The following ELAVL2 variants were observed in gnomAD, a reference collection of about 807,000 sequenced individuals.
ELAVL2 encodes the protein ELAV like RNA binding protein 2.
In ELAVL2, 4 loss-of-function variants were observed where a neutral mutation model predicts 34.6. That is an observed-to-expected ratio of 0.12 (90% CI 0.06 to 0.26). The LOEUF (loss-of-function observed/expected upper bound fraction) is 0.26, where lower values mean the gene tolerates loss of function less well. Among genes scored for constraint, ELAVL2 ranks in the 10% least tolerant of loss-of-function variants. The pLI, the probability that ELAVL2 is intolerant of heterozygous loss-of-function variation, is 1.00. For missense variants in ELAVL2, 432 were observed against 442.8 expected (o/e 0.98, Z 0.22); for synonymous variants, 193 against 154.8 (o/e 1.25, Z -1.83).
intron 1 of ELAVL2, among the ~76,000 whole-genome samples, chr9:23,816,780 G>A (rs1430064285): frequency 6.6e-6 from 1 of 152,194 alleles, no homozygotes; most frequent in Non-Finnish European, 1.5e-5. Context: ...GTGAAAAATG[G>A]ATACTCTGTG....
chr9:23,729,880 G>C (rs530567320), intron 3 of ELAVL2, among the ~76,000 whole-genome samples: 1 of 152,036 alleles, frequency 6.6e-6, no homozygotes, highest in African/African-American at 2.4e-5. Context: ...CCAGATACCT[G>C]AAAAAAATGA....
At chr9:23,803,705 G>C (rs2061852338) in intron 1 of ELAVL2, among the ~76,000 whole-genome samples, 1 of 150,618 alleles carries the variant, frequency 6.6e-6, no homozygotes, top group African/African-American at 2.4e-5. Context: ...CATGCTAGGA[G>C]TACACCACAC....
chr9:23,846,955 T>C, the ELAVL2 span, among the ~76,000 whole-genome samples: 1 of 152,072 alleles, frequency 6.6e-6, no homozygotes, highest in Non-Finnish European at 1.5e-5. Context: ...ACATCCTCAC[T>C]TTATGGTTCA....
intron 4 of ELAVL2, among the ~76,000 whole-genome samples, chr9:23,702,319 T>G (rs1301080993): frequency 6.6e-6 from 1 of 152,134 alleles, no homozygotes; most frequent in Non-Finnish European, 1.5e-5. Flanking sequence ...CATCAAAGCT[T>G]TCTGACCTCA....
At chr9:23,699,831 T>TG (rs1563933669) in intron 5 of ELAVL2, among the ~76,000 whole-genome samples, 4 of 83,478 alleles carry the variant, frequency 4.8e-5, no homozygotes, top group Non-Finnish European at 9.8e-5. Context: ...TTTTTTTTTT[T>TG]TTTTTTTTTT....
chr9:23,694,107 G>A (rs2034246212), intron 5 of ELAVL2, among the ~76,000 whole-genome samples: 1 of 152,070 alleles, frequency 6.6e-6, no homozygotes, highest in Non-Finnish European at 1.5e-5. Context: ...GAGGTCTAGA[G>A]AAGGAAAAAA....
intron 4 of ELAVL2, among the ~76,000 whole-genome samples, chr9:23,703,996 G>T (rs2038412679): frequency 6.6e-6 from 1 of 151,888 alleles, no homozygotes; most frequent in Admixed American, 6.6e-5. Flanking sequence ...GCAATGGCAT[G>T]ATCTCAGCTC....
the ELAVL2 span, among the ~76,000 whole-genome samples, chr9:23,846,776 G>A: frequency 6.6e-6 from 1 of 152,028 alleles, no homozygotes; most frequent in Non-Finnish European, 1.5e-5. Context: ...CTTCAAAAAT[G>A]TTGTATTGCA....
chr9:23,692,581 C>T lies in ELAVL2; in HGVS notation c.1056G>A (p.Lys352=). 2 of 1,613,886 alleles carry T rather than the reference C, an allele frequency of 1.2e-6. No homozygotes were observed. The highest frequency in any genetic ancestry group is 8.5e-7 in the Non-Finnish European group (1 of 1,179,846). The change falls in exon 7 of 7, where the codon AAG becomes AAA. Residue 352 remains lysine, a synonymous_variant. Transcript: ENST00000397312. ...LGDRVLQVSF[K]TNKTHKA Reference sequence around the variant, plus strand: ...ATTAGGCTTTGTGCGTTTTGTTTGTCTTAAAGGAGACCTGCAGTACTCTGT... The same window carrying T: ...ATTAGGCTTTGTGCGTTTTGTTTGTTTTAAAGGAGACCTGCAGTACTCTGT...
intron 1 of ELAVL2, among the ~76,000 whole-genome samples, chr9:23,812,287 T>C (rs1311447290): frequency 6.6e-6 from 1 of 152,118 alleles, no homozygotes; most frequent in Non-Finnish European, 1.5e-5. Flanking sequence ...CTGAACATAA[T>C]CTCAACACAA....
chr9:23,743,967 T>A (rs1253241786), intron 2 of ELAVL2, among the ~76,000 whole-genome samples: 2 of 152,212 alleles, frequency 1.3e-5, no homozygotes, highest in Non-Finnish European at 2.9e-5. Context: ...TTCTCAGCTA[T>A]TTGGGCCACA....
intron 3 of ELAVL2, among the ~76,000 whole-genome samples, chr9:23,729,910 G>A (rs1412798583): frequency 6.6e-6 from 1 of 151,998 alleles, no homozygotes; most frequent in Non-Finnish European, 1.5e-5. Context: ...TTTTACACAA[G>A]TCTCTAAGCA....
intron 2 of ELAVL2, among the ~76,000 whole-genome samples, chr9:23,746,429 G>A (rs544271242): frequency 7.1e-4 from 108 of 152,202 alleles, no homozygotes; most frequent in African/African-American, 2.4e-3. Flanking sequence ...AAACACACTG[G>A]AAGAGTCACA....
At chr9:23,833,900 A>G in the ELAVL2 span, among the ~76,000 whole-genome samples, 1 of 151,958 alleles carries the variant, frequency 6.6e-6, no homozygotes, top group African/African-American at 2.4e-5. Context: ...TATTACCAAA[A>G]ATATCACACA....
chr9:23,763,255 A>C (rs1048253854), intron 1 of ELAVL2, among the ~76,000 whole-genome samples: 1 of 152,158 alleles, frequency 6.6e-6, no homozygotes, highest in African/African-American at 2.4e-5. Flanking sequence ...CAAACTGTTC[A>C]GGCTACTCTA....
At chr9:23,812,330 C>A (rs2138144668) in intron 1 of ELAVL2, among the ~76,000 whole-genome samples, 1 of 152,206 alleles carries the variant, frequency 6.6e-6, no homozygotes, top group Admixed American at 6.5e-5. Flanking sequence ...GATCCTTCAA[C>A]AAACTCAAAA....
chr9:23,828,890 T>C (rs1207875896), upstream of ELAVL2, among the ~76,000 whole-genome samples: 1 of 152,242 alleles, frequency 6.6e-6, no homozygotes, highest in Non-Finnish European at 1.5e-5. Flanking sequence ...GATATCTGGA[T>C]GTAGATTTCA....
At chr9:23,775,343 T>C (rs2136478824) in intron 1 of ELAVL2, among the ~76,000 whole-genome samples, 1 of 152,318 alleles carries the variant, frequency 6.6e-6, no homozygotes. Flanking sequence ...GCACTCCAGC[T>C]TGGGTGGCAG....
chr9:23,716,430 C>CA (rs536132135), intron 3 of ELAVL2, among the ~76,000 whole-genome samples: 105 of 152,218 alleles, frequency 6.9e-4, no homozygotes, highest in South Asian at 1.9e-3. Flanking sequence ...CACCTACCAA[C>CA]AAGTTTTGAA....
Sources: allele counts gnomAD v4.1 joint callset (sites outside exome capture counted in the v4.1 genomes callset), GRCh38; gene constraint gnomAD v4.1.1; transcripts MANE v1.5; gene names NCBI Gene and HGNC (gene_info 2026-07-23, HGNC 2026-07-21).